PTPRT: variants seen among roughly 807,000 people sequenced by gnomAD.
PTPRT encodes the protein protein tyrosine phosphatase receptor type T.
Under a neutral mutation model 176.8 loss-of-function variants are expected in PTPRT, and 56 were observed. That is an observed-to-expected ratio of 0.32 (90% confidence interval 0.26 to 0.40). PTPRT has a LOEUF of 0.40. PTPRT is among the 10% of genes least tolerant of loss of function. PTPRT has a pLI of 1.00. For missense variants in PTPRT, 1,540 were observed against 1,908.2 expected (o/e 0.81, Z 3.60); for synonymous variants, 783 against 739.0 (o/e 1.06, Z -0.96).
At chr20:43,172,486 A>G (rs1718126736) in intron 1 of PTPRT, among the ~76,000 whole-genome samples, 1 of 152,214 alleles carries the variant, frequency 6.6e-6, no homozygotes, top group South Asian at 2.1e-4. Flanking sequence ...CTGCGTTTTC[A>G]ATGAGCACTG....
chr20:42,607,222 A>G (rs547875208), intron 7 of PTPRT, among the ~76,000 whole-genome samples: 2 of 152,196 alleles, frequency 1.3e-5, no homozygotes, highest in Non-Finnish European at 2.9e-5. Flanking sequence ...TTTAATGGAC[A>G]CAGAGTCTCC....
chr20:43,137,628 G>T (rs2013873699), intron 1 of PTPRT, among the ~76,000 whole-genome samples: 1 of 152,200 alleles, frequency 6.6e-6, no homozygotes, highest in African/African-American at 2.4e-5. Context: ...GGAATGGGAA[G>T]ATCCTCTGGG....
chr20:42,868,194 G>A (rs1165983465), intron 2 of PTPRT, among the ~76,000 whole-genome samples: 9 of 152,176 alleles, frequency 5.9e-5, no homozygotes, highest in African/African-American at 1.7e-4. Flanking sequence ...TCTGGCAAAG[G>A]TTCAAAAGAA....
chr20:42,411,227 T>G (rs1365221887), intron 9 of PTPRT, among the ~76,000 whole-genome samples: 2 of 151,990 alleles, frequency 1.3e-5, no homozygotes, highest in African/African-American at 4.8e-5. Flanking sequence ...GGCAGATCAC[T>G]TGAGGCCAAG....
At chr20:42,694,039 T>TC (rs771294663) in intron 6 of PTPRT, among the ~76,000 whole-genome samples, 640 of 98,278 alleles carry the variant, frequency 6.5e-3, no homozygotes, top group Middle Eastern at 0.016. Flanking sequence ...TATTTTATTT[T>TC]CTTTTTTTTT....
chr20:42,472,162 G>C, intron 8 of PTPRT, 104 bp downstream of exon 8: 3 of 1,291,834 alleles, frequency 2.3e-6, no homozygotes, highest in Non-Finnish European at 3.2e-6. Flanking sequence ...GTGTGTGAGG[G>C]AATTAAAAAT....
chr20:42,958,502 A>G (rs1981805461), intron 1 of PTPRT, among the ~76,000 whole-genome samples: 1 of 150,518 alleles, frequency 6.6e-6, no homozygotes, highest in African/African-American at 2.5e-5. Context: ...GGAAGAAAGG[A>G]AACCTACAGA....
At position 42,077,214 on chromosome 20, in the gene PTPRT, C is replaced by T. The variant is rs1982861470; in HGVS notation, c.*3665G>A. The T allele has an allele frequency of 5.4e-6, 1 of 185,220 alleles. No homozygotes were observed. Among genetic ancestry groups the T allele is most frequent in the Admixed American group, 6.2e-5 (1 of 16,034 alleles). 11.5% of individuals were successfully genotyped at this position (185,220 alleles called of 1,614,324 possible). A position where few individuals can be genotyped will look rare whatever the true frequency, so the allele number is the denominator to read the frequency against. On this transcript the variant is annotated 3_prime_UTR_variant, in exon 31 of 31. Transcript: ENST00000373187. Reference sequence around the variant, plus strand: ...GGGCCAGCACTAAAAGCAAACTGTCCCCTTCCATTCCCACAAAGAGAGGCC... The same window carrying T: ...GGGCCAGCACTAAAAGCAAACTGTCTCCTTCCATTCCCACAAAGAGAGGCC...
chr20:42,560,985 C>T (rs2072942854), intron 7 of PTPRT, among the ~76,000 whole-genome samples: 1 of 152,180 alleles, frequency 6.6e-6, no homozygotes, highest in African/African-American at 2.4e-5. Flanking sequence ...TGGGCTACTT[C>T]CTCCTGGGGA....
At chr20:42,352,648 T>C (rs867759664) in intron 9 of PTPRT, among the ~76,000 whole-genome samples, 1 of 152,182 alleles carries the variant, frequency 6.6e-6, no homozygotes, top group Non-Finnish European at 1.5e-5. Flanking sequence ...AGATCTTACA[T>C]TTGCTAGCAC....
At chr20:42,997,356 T>C (rs1984280614) in intron 1 of PTPRT, among the ~76,000 whole-genome samples, 1 of 152,086 alleles carries the variant, frequency 6.6e-6, no homozygotes, top group Admixed American at 6.6e-5. Flanking sequence ...CTCTTCCTGG[T>C]TCCATTGAGA....
intron 21 of PTPRT, chr20:42,116,242 C>G (rs921106040): frequency 1.6e-6 from 1 of 610,452 alleles, no homozygotes; most frequent in Non-Finnish European, 2.9e-6. Context: ...CATGCTAGTG[C>G]TAATGTGTTT....
At chr20:42,236,353 G>T in intron 14 of PTPRT, 95 bp from the exon 15 acceptor site, 1 of 1,102,868 alleles carries the variant, frequency 9.1e-7, no homozygotes, top group South Asian at 1.3e-5. Context: ...ATGAAATCTT[G>T]ATTCTTAGAA....
chr20:42,383,419 C>A (rs977474657), intron 9 of PTPRT, among the ~76,000 whole-genome samples: 5 of 147,766 alleles, frequency 3.4e-5, no homozygotes, highest in African/African-American at 7.5e-5. Flanking sequence ...CAGGGATAGA[C>A]AAAAAAAAAA....
intron 2 of PTPRT, among the ~76,000 whole-genome samples, chr20:42,818,428 G>A (rs962141965): frequency 1.1e-4 from 17 of 152,052 alleles, no homozygotes; most frequent in South Asian, 4.2e-4. Flanking sequence ...TCACGAATAT[G>A]AGAAAGAATC....
intron 2 of PTPRT, among the ~76,000 whole-genome samples, chr20:42,809,615 T>C (rs916332343): frequency 7.9e-5 from 12 of 152,258 alleles, no homozygotes; most frequent in Admixed American, 3.9e-4. Flanking sequence ...GGCAGGGCCG[T>C]GGGGGAAGTC....
At chr20:42,709,216 G>A (rs1028807704) in intron 6 of PTPRT, among the ~76,000 whole-genome samples, 5 of 152,144 alleles carry the variant, frequency 3.3e-5, no homozygotes, top group African/African-American at 9.7e-5. Flanking sequence ...TACAGATGGC[G>A]GCTGCTCTAT....
intron 2 of PTPRT, among the ~76,000 whole-genome samples, chr20:42,828,195 A>G (rs2078028334): frequency 2.0e-5 from 3 of 152,184 alleles, no homozygotes; most frequent in Admixed American, 2.0e-4. Context: ...TCTCAGATGG[A>G]GATGAGGAAC....
intron 7 of PTPRT, among the ~76,000 whole-genome samples, chr20:42,536,184 G>T (rs1340012051): frequency 6.6e-6 from 1 of 152,094 alleles, no homozygotes; most frequent in South Asian, 2.1e-4. Context: ...ATAAGCAACA[G>T]CTTCCCATGT....
Sources: gnomAD v4.1 joint callset for allele counts (sites outside exome capture counted in the v4.1 genomes callset) on GRCh38, gnomAD v4.1.1 for gene constraint, MANE v1.5 for transcripts, NCBI Gene and HGNC (gene_info 2026-07-23, HGNC 2026-07-21) for gene names.